Variants in ELFN2 observed in about 807,000 individuals in gnomAD.
ELFN2 encodes extracellular leucine rich repeat and fibronectin type III domain containing 2, also known as protein phosphatase 1 regulatory subunit 29.
ELFN2 carries 17 observed loss-of-function variants against 45.5 expected under a neutral mutation model. The observed-to-expected ratio is 0.37, with a 90% CI of 0.26 to 0.56. ELFN2 has a LOEUF of 0.56. Among genes scored for constraint, ELFN2 ranks in the 20% least tolerant of loss-of-function variants. The pLI is 0.77. For missense variants in ELFN2, 922 were observed against 1,183.2 expected, an observed-to-expected ratio of 0.78 and a Z score of 3.24; for synonymous variants, 550 against 551.5, an observed-to-expected ratio of 1.00 and a Z score of 0.04.
chr22:37,352,721 G>A (rs1045790668), intron 1 of ELFN2, among the ~76,000 whole-genome samples: 1 of 150,862 alleles, frequency 6.6e-6, no homozygotes, highest in African/African-American at 2.4e-5. Context: ...TGTGGCTGGG[G>A]CAGGAAAGTG....
intron 1 of ELFN2, among the ~76,000 whole-genome samples, chr22:37,421,162 T>C (rs1276861630): frequency 6.6e-6 from 1 of 152,104 alleles, no homozygotes; most frequent in Non-Finnish European, 1.5e-5. Flanking sequence ...GTGTGGTTGT[T>C]CCTCAAACTA....
At chr22:37,393,561 G>C (rs1306211428) in intron 2 of ELFN2, among the ~76,000 whole-genome samples, 2 of 152,182 alleles carry the variant, frequency 1.3e-5, no homozygotes, top group African/African-American at 2.4e-5. Context: ...ACAGCACCCA[G>C]CACTTCCTGA....
At chr22:37,397,280 A>G (rs1412064810) in intron 2 of ELFN2, among the ~76,000 whole-genome samples, 3 of 152,220 alleles carry the variant, frequency 2.0e-5, no homozygotes, top group Non-Finnish European at 2.9e-5. Context: ...CCCAGTGAGA[A>G]GCCTGGCATG....
chr22:37,417,239 G>A lies in ELFN2; in HGVS notation c.-463+530C>T, dbSNP rs758677015. On this transcript the variant is annotated intron_variant, in intron 2 of 2. Transcript: ENST00000402918. The surrounding 1 kb of genome is among the most constrained non-coding windows in gnomAD (Gnocchi z 4.5). ...CCTAGTGCCAGACGGCTCTCCCTGT[G>A]CCTCCAAAATTCAATGACATAGGAT... Among the ~76,000 whole-genome samples, 29 of 152,182 alleles carry A rather than the reference G, an allele frequency of 1.9e-4. No homozygotes were observed. The highest frequency in any genetic ancestry group is 3.2e-4 in the Non-Finnish European group (22 of 68,038).
chr22:37,365,116 A>G (rs1931174612), downstream of ELFN2, among the ~76,000 whole-genome samples: 1 of 152,150 alleles, frequency 6.6e-6, no homozygotes, highest in Non-Finnish European at 1.5e-5. Flanking sequence ...GGAGGAGGCC[A>G]GCCTCTGAGA....
In ELFN2 at chr22:37,417,188, C is replaced by T. The variant is rs986809967; in HGVS notation, c.-463+581G>A. Among the ~76,000 whole-genome samples the T allele has an allele frequency of 1.3e-5, 2 of 152,146 alleles. No homozygotes were observed. The highest frequency in any genetic ancestry group is 4.8e-5 in the African/African-American group (2 of 41,442). ...AGCCAGGACGGAGCAGCTCCTTCTG[C>T]CTGCCTGTCTGCCTGTTTGCGGCCT... On this transcript the variant is annotated intron_variant, in intron 2 of 2. Coordinates refer to ENST00000402918, the MANE Select transcript of ELFN2 (RefSeq NM_052906.5). The surrounding 1 kb of genome is among the most constrained non-coding windows in gnomAD (Gnocchi z 4.5).
intron 1 of ELFN2, among the ~76,000 whole-genome samples, chr22:37,346,260 A>G (rs1330467974): frequency 6.6e-6 from 1 of 152,218 alleles, no homozygotes; most frequent in Non-Finnish European, 1.5e-5. Flanking sequence ...CACTTCCCCA[A>G]GCCTCCCAGA....
rs1931283436 is a variant in ELFN2, at chr22:37,368,996, CTATTT to C, written c.*4071_*4075del. 1 of 151,900 alleles carries C rather than the reference CTATTT, an allele frequency of 6.6e-6. No homozygotes were observed. Among genetic ancestry groups the C allele is most frequent in the African/African-American group, 2.4e-5 (1 of 41,302 alleles). The allele number at this position is 151,900 out of a possible 1,614,324, so 9.4% of individuals were successfully genotyped here. Reference sequence around the variant, plus strand: ...CCAGCCTTGCCCCTCCCCCATCACCCTATTTTAATTTTCTGCAAGGCGCCAGTCAC... The same window carrying C: ...CCAGCCTTGCCCCTCCCCCATCACCCTAATTTTCTGCAAGGCGCCAGTCAC... On this transcript the variant is annotated 3_prime_UTR_variant, in exon 3 of 3. Transcript: ENST00000402918.
At chr22:37,416,260 G>C (rs1027938356) in intron 2 of ELFN2, among the ~76,000 whole-genome samples, 1 of 152,290 alleles carries the variant, frequency 6.6e-6, no homozygotes, top group Non-Finnish European at 1.5e-5. Flanking sequence ...AGGACTCAAC[G>C]GTGTCAGAGA....
chr22:37,426,805 A>ACCGCCGTGGGG (rs1326699988), intron 1 of ELFN2: 1 of 85,462 alleles, frequency 1.2e-5, no homozygotes, highest in East Asian at 3.1e-4. Flanking sequence ...TACCAACCCC[A>ACCGCCGTGGGG]CCGCCGTCAA....
intron 2 of ELFN2, among the ~76,000 whole-genome samples, chr22:37,412,292 A>AAAAAAAAG (rs57769146): frequency 5.5e-5 from 8 of 146,434 alleles, no homozygotes; most frequent in East Asian, 3.9e-4. Context: ...AAAAAAAAAA[A>AAAAAAAAG]AAAGAAAGAA....
intron 2 of ELFN2, among the ~76,000 whole-genome samples, chr22:37,387,883 G>T (rs2145654480): frequency 6.6e-6 from 1 of 151,688 alleles, no homozygotes; most frequent in South Asian, 2.1e-4. Context: ...TGCCTCCGGG[G>T]CCCTTCCCTG....
At chr22:37,378,072 G>A (rs911186884) in intron 2 of ELFN2, among the ~76,000 whole-genome samples, 2 of 152,340 alleles carry the variant, frequency 1.3e-5, no homozygotes, top group East Asian at 1.9e-4. Context: ...TCTGGGGACC[G>A]CATTTGTATG....
At chr22:37,421,772 T>C (rs867523000) in intron 1 of ELFN2, among the ~76,000 whole-genome samples, 14 of 152,178 alleles carry the variant, frequency 9.2e-5, no homozygotes, top group African/African-American at 3.4e-4. Context: ...TTTGAGGGCC[T>C]ACCAGTCTCC....
rs1434467604 is a variant in ELFN2 at position 37,417,539 on chromosome 22, G to A, written c.-463+230C>T. ...GGCTTCCTGCCCACCCTCCCCAGTGGGCTTGTCTTAGCCCCCAACAGGCCT... is the reference window on the plus strand; with the variant it reads ...GGCTTCCTGCCCACCCTCCCCAGTGAGCTTGTCTTAGCCCCCAACAGGCCT... On this transcript the variant is annotated intron_variant, in intron 2 of 2. Coordinates refer to ENST00000402918, the MANE Select transcript of ELFN2 (RefSeq NM_052906.5). The surrounding 1 kb of genome is among the most constrained non-coding windows in gnomAD (Gnocchi z 4.5). Among the ~76,000 whole-genome samples, 1 of 152,208 alleles carries A rather than the reference G, an allele frequency of 6.6e-6. No homozygotes were observed. The highest frequency in any genetic ancestry group is 1.5e-5 in the Non-Finnish European group (1 of 68,032).
intron 2 of ELFN2, among the ~76,000 whole-genome samples, chr22:37,342,353 C>T (rs34834819): frequency 0.17 from 25,759 of 152,200 alleles, 2,350 homozygotes; most frequent in East Asian, 0.28. Flanking sequence ...TCTAGCCTCC[C>T]TCTAGCAGCA....
At chr22:37,344,341 T>A (rs1362623577) in intron 1 of ELFN2, among the ~76,000 whole-genome samples, 1 of 151,558 alleles carries the variant, frequency 6.6e-6, no homozygotes, top group African/African-American at 2.4e-5. Flanking sequence ...CTCCCACAGA[T>A]ATCTCCTACA....
intron 2 of ELFN2, among the ~76,000 whole-genome samples, chr22:37,406,631 C>T (rs574461843): frequency 1.4e-4 from 21 of 152,258 alleles, no homozygotes; most frequent in African/African-American, 4.1e-4. Flanking sequence ...AACTGGGGAG[C>T]GAGGGAAACA....
At chr22:37,382,022 C>T (rs76638648) in intron 2 of ELFN2, among the ~76,000 whole-genome samples, 4 of 146,090 alleles carry the variant, frequency 2.7e-5, no homozygotes, top group Non-Finnish European at 6.0e-5. Context: ...AGAAGCCCCC[C>T]CTGTGATGGG....
Sources: gnomAD v4.1 joint callset for allele counts (sites outside exome capture counted in the v4.1 genomes callset) on GRCh38, gnomAD v4.1.1 for gene constraint, Gnocchi (gnomAD v3.1) non-coding constraint, MANE v1.5 for transcripts, NCBI Gene and HGNC (gene_info 2026-07-23, HGNC 2026-07-21) for gene names.